Variants in ABCC6 observed in about 807,000 individuals in gnomAD.
ABCC6 encodes the protein ATP binding cassette subfamily C member 6, also known as ATP-binding cassette sub-family C member 6.
Under a neutral mutation model 169.5 loss-of-function variants are expected in ABCC6, and 126 were observed. The observed-to-expected ratio is 0.74, with a 90% CI of 0.64 to 0.86. The LOEUF is 0.86. ABCC6 is among the 40% of genes least tolerant of loss of function. The probability of loss-of-function intolerance (pLI) is 0.00; values close to 1 mark genes in which losing one functional copy is unlikely to be tolerated. For missense variants in ABCC6, 1,733 were observed against 1,927.2 expected, an observed-to-expected ratio of 0.90 and a Z score of 1.89; for synonymous variants, 752 against 814.7, an observed-to-expected ratio of 0.92 and a Z score of 1.31.
chr16:16,182,730 G>A, intron 16 of ABCC6, 74 bp downstream of exon 16: 1 of 1,608,414 alleles, frequency 6.2e-7, no homozygotes, highest in Non-Finnish European at 8.5e-7. Flanking sequence ...GGGATGGGGA[G>A]GGTGGGAAGG....
chr16:16,189,754 G>A (rs188640275), intron 12 of ABCC6, among the ~76,000 whole-genome samples: 136 of 152,228 alleles, frequency 8.9e-4, no homozygotes, highest in Non-Finnish European at 1.5e-3. Flanking sequence ...GTTTAGGAAG[G>A]TTGTTCTGAC....
chr16:16,161,671 C>A, intron 24 of ABCC6, 107 bp from the exon 25 acceptor site: 1 of 1,480,876 alleles, frequency 6.8e-7, no homozygotes, highest in South Asian at 1.2e-5. Context: ...ACACAGGGGT[C>A]CCAGCAATGG....
chr16:16,209,271 A>G (rs2048511978), intron 6 of ABCC6, among the ~76,000 whole-genome samples: 1 of 152,068 alleles, frequency 6.6e-6, no homozygotes, highest in Non-Finnish European at 1.5e-5. Flanking sequence ...TTTTGTAGAG[A>G]TGGAGTTTCA....
chr16:16,176,481 T>TG (rs1596643296), intron 19 of ABCC6, among the ~76,000 whole-genome samples: 2 of 152,282 alleles, frequency 1.3e-5, no homozygotes, highest in South Asian at 2.1e-4. Context: ...TGCTAGGATT[T>TG]GGGGGGCTAT....
At position 16,173,175 on chromosome 16, in the gene ABCC6, T is replaced by C. The variant is rs1485471852; in HGVS notation, c.2787+109A>G. The C allele has an allele frequency of 5.4e-6, 8 of 1,473,106 alleles. No homozygotes were observed. In the South Asian group the frequency reaches 7.1e-5, roughly 13 times the overall value. The allele number at this position is 1,473,106 out of a possible 1,614,324, so 91.3% of individuals were successfully genotyped here. A position where few individuals can be genotyped will look rare whatever the true frequency, so the allele number is the denominator to read the frequency against. Reference sequence around the variant, plus strand: ...TAGAATGCTACTGGCACATAGTAGGTGCTCAAGAAAGGTGAGTATCACTGC... The same window carrying C: ...TAGAATGCTACTGGCACATAGTAGGCGCTCAAGAAAGGTGAGTATCACTGC... On this transcript the variant is annotated intron_variant, in intron 21 of 30. Coordinates refer to ENST00000205557, the MANE Select transcript of ABCC6 (RefSeq NM_001171.6).
intron 18 of ABCC6, among the ~76,000 whole-genome samples, chr16:16,178,137 C>T (rs2047345137): frequency 1.3e-5 from 2 of 151,936 alleles, no homozygotes; most frequent in South Asian, 4.2e-4. Flanking sequence ...ACCAGCCTGG[C>T]CAACATGGTG....
rs527644195 is a variant in ABCC6 at position 16,212,614 on chromosome 16, C to T, written c.601-368G>A. Among the ~76,000 whole-genome samples, 25 of 151,316 alleles carry T rather than the reference C, an allele frequency of 1.7e-4. No individual in the cohort carries two copies. The East Asian group carries it at 2.3e-3, about 14-fold the overall frequency. ...CATGAGCCACTACACCCAGCCCTGA[C>T]GGTGTATTTAGTACTGAAAGTAAAC... On this transcript the variant is annotated intron_variant, in intron 5 of 30. Transcript: ENST00000205557.
intron 11 of ABCC6, among the ~76,000 whole-genome samples, chr16:16,191,703 G>T (rs8057689): frequency 0.72 from 101,177 of 141,024 alleles, 35,676 homozygotes; most frequent in East Asian, 0.75. Flanking sequence ...CTTCTCTTCC[G>T]CCCTCAATTC....
intron 9 of ABCC6, among the ~76,000 whole-genome samples, chr16:16,200,430 A>G (rs1261219520): frequency 7.5e-6 from 1 of 133,920 alleles, no homozygotes; most frequent in Non-Finnish European, 1.6e-5. Context: ...ACTCTGTCAG[A>G]AAAAAAAAAA....
At chr16:16,151,472 C>A (rs1208012160) in intron 29 of ABCC6, among the ~76,000 whole-genome samples, 3 of 152,204 alleles carry the variant, frequency 2.0e-5, no homozygotes, top group Admixed American at 6.5e-5. Context: ...CATGCCGTTG[C>A]AAACAAACCT....
At chr16:16,209,996 G>A (rs2048547093) in intron 6 of ABCC6, among the ~76,000 whole-genome samples, 1 of 152,244 alleles carries the variant, frequency 6.6e-6, no homozygotes, top group Admixed American at 6.5e-5. Context: ...CTTCCAAAGT[G>A]TTGGGATTAT....
chr16:16,169,863 A>G lies in ABCC6; in HGVS notation c.2788-10T>C. On this transcript the variant is annotated splice_polypyrimidine_tract_variant and intron_variant, in intron 21 of 30. Transcript: ENST00000205557. ...GCACTGTGGCCTTCACCTGTAGCAC[A>G]CATGAGGGAGAGGGAGGCAGAGAGA... The G allele has an allele frequency of 1.3e-6, 2 of 1,551,164 alleles. No homozygotes were observed. The highest frequency in any genetic ancestry group is 8.7e-7 in the Non-Finnish European group (1 of 1,147,462).
intron 17 of ABCC6, among the ~76,000 whole-genome samples, chr16:16,182,185 C>T (rs1351854815): frequency 6.6e-6 from 1 of 152,152 alleles, no homozygotes; most frequent in East Asian, 1.9e-4. Context: ...ACTGCCAATC[C>T]CTGCCACAAC....
At chr16:16,194,405 G>A (rs2047967138) in intron 10 of ABCC6, among the ~76,000 whole-genome samples, 1 of 152,226 alleles carries the variant, frequency 6.6e-6, no homozygotes, top group Non-Finnish European at 1.5e-5. Context: ...CCGTTTGTCT[G>A]AAACTCACAC....
intron 14 of ABCC6, among the ~76,000 whole-genome samples, 178 bp downstream of exon 14, chr16:16,186,943 AAAG>A (rs1213872013): frequency 3.3e-5 from 5 of 152,064 alleles, no homozygotes; most frequent in Non-Finnish European, 5.9e-5. Flanking sequence ...TGGCTAGCAG[AAAG>A]AAGAGCAGCA....
In ABCC6 at chr16:16,214,412, T is replaced by A; in HGVS notation, c.512A>T (p.Tyr171Phe). 8.4e-6 allele frequency: 13 copies of A among 1,549,002 alleles called. No individual in the cohort carries two copies. Among genetic ancestry groups the A allele is most frequent in the Non-Finnish European group, 1.1e-5 (13 of 1,146,060 alleles). ...TGCCACCACCAGAGACAGGCATAGG[T>A]AGGTGGACAGGTGGCGGACAGGGTC... The part of the protein sequence containing the change: ...QSDPVRHLST[Y>F]LCLSLVVAQF... Residue 171 changes from tyrosine (Y) to phenylalanine (F), a missense_variant, in exon 5 of 31, where the codon TAC becomes TTC. Tyr to Phe is a conservative substitution (Grantham distance 22). Coordinates refer to ENST00000205557, the MANE Select transcript of ABCC6 (RefSeq NM_001171.6).
chr16:16,190,602 C>T (rs538482943), intron 11 of ABCC6, among the ~76,000 whole-genome samples: 23 of 151,876 alleles, frequency 1.5e-4, no homozygotes, highest in Admixed American at 6.6e-5. Flanking sequence ...CTCTGATGCC[C>T]GGAGAACAGA....
chr16:16,161,628 G>T (rs2152222303), intron 24 of ABCC6, 64 bp from the exon 25 acceptor site: 1 of 1,606,990 alleles, frequency 6.2e-7, no homozygotes, highest in East Asian at 2.2e-5. Flanking sequence ...GCTTCTCTGG[G>T]CACAAGGACT....
chr16:16,165,917 G>A lies in ABCC6; in HGVS notation c.3012C>T (p.Ala1004=). The part of the protein sequence containing the change: ...LGCLQAIGLF[A]SMAAVLLGGA... ...CACCTAGGAGCACCGCAGCCATGGA[G>A]GCAAACAGCCCAATGGCTGGGGAGG... Residue 1004 remains alanine, a synonymous_variant, in exon 23 of 31, where the codon GCC becomes GCT. Coordinates refer to ENST00000205557, the MANE Select transcript of ABCC6 (RefSeq NM_001171.6). 6.2e-7 allele frequency: 1 copy of A among 1,613,060 alleles called. No homozygotes were observed. Among genetic ancestry groups the A allele is most frequent in the Non-Finnish European group, 8.5e-7 (1 of 1,179,998 alleles).
Sources: gnomAD v4.1 joint callset for allele counts (sites outside exome capture counted in the v4.1 genomes callset) on GRCh38, gnomAD v4.1.1 for gene constraint, MANE v1.5 for transcripts, NCBI Gene and HGNC (gene_info 2026-07-23, HGNC 2026-07-21) for gene names.